SGMS1: variants seen among roughly 807,000 people sequenced by gnomAD.
SGMS1 encodes the protein sphingomyelin synthase 1, also known as phosphatidylcholine:ceramide cholinephosphotransferase 1.
In SGMS1, 13 loss-of-function variants were observed where a neutral mutation model predicts 46.2. The observed-to-expected ratio is 0.28, with a 90% CI of 0.18 to 0.45. The LOEUF is 0.45. Among genes scored for constraint, SGMS1 ranks in the 20% least tolerant of loss-of-function variants. The pLI is 1.00. For missense variants in SGMS1, 324 were observed against 519.9 expected (o/e 0.62, Z 3.66); for synonymous variants, 203 against 187.8 (o/e 1.08, Z -0.66).
chr10:50,408,071 T>G (rs1165490825), intron 6 of SGMS1, among the ~76,000 whole-genome samples: 1 of 152,230 alleles, frequency 6.6e-6, no homozygotes, highest in Non-Finnish European at 1.5e-5. Flanking sequence ...TAACCACATA[T>G]GTAGCTATTG....
intron 6 of SGMS1, among the ~76,000 whole-genome samples, chr10:50,350,439 T>C (rs1249855238): frequency 6.6e-6 from 1 of 152,134 alleles, no homozygotes; most frequent in East Asian, 1.9e-4. Context: ...TTTTCATAAG[T>C]AGTAAGGAGC....
intron 2 of SGMS1, among the ~76,000 whole-genome samples, chr10:50,554,980 C>T (rs1442048982): frequency 1.3e-5 from 2 of 152,186 alleles, no homozygotes; most frequent in Non-Finnish European, 1.5e-5. Context: ...CCAACTCTTT[C>T]CATTTAACAG....
At chr10:50,356,080 A>G (rs944417936) in intron 6 of SGMS1, among the ~76,000 whole-genome samples, 2 of 152,186 alleles carry the variant, frequency 1.3e-5, no homozygotes, top group African/African-American at 4.8e-5. Context: ...CTCATTGAGA[A>G]CGGGCCATGA....
Position 50,523,882 on chromosome 10 carries a change from G to A in SGMS1, c.-588-3961C>T, listed in dbSNP as rs1207747157. On this transcript the variant is annotated intron_variant, in intron 2 of 10. Coordinates refer to ENST00000361781, the MANE Select transcript of SGMS1 (RefSeq NM_147156.4). ...TTTCCCTGCACAAGCCAGTAGATTT[G>A]TGCTCAAGGCACACGTGTGCACATG... 5.3e-5 allele frequency among the ~76,000 whole-genome samples: 8 copies of A among 152,364 alleles called. No homozygotes were observed. In the East Asian group the frequency reaches 1.5e-3, roughly 29 times the overall value.
chr10:50,314,915 T>C (rs931658748), intron 8 of SGMS1, among the ~76,000 whole-genome samples: 1 of 152,178 alleles, frequency 6.6e-6, no homozygotes, highest in African/African-American at 2.4e-5. Context: ...AGTGAGACCC[T>C]GTCTCTAAAA....
At chr10:50,387,114 C>A (rs745315751) in intron 6 of SGMS1, among the ~76,000 whole-genome samples, 4 of 152,168 alleles carry the variant, frequency 2.6e-5, no homozygotes. Context: ...GCACCTCCAA[C>A]TGGGGATACC....
At chr10:50,469,686 G>C (rs1837361697) in intron 3 of SGMS1, among the ~76,000 whole-genome samples, 1 of 152,142 alleles carries the variant, frequency 6.6e-6, no homozygotes, top group South Asian at 2.1e-4. Context: ...GGTGGGGGGA[G>C]TGTGGTACAG....
Position 50,517,963 on chromosome 10 carries a change from C to T in SGMS1, c.-498+1868G>A, listed in dbSNP as rs750199381. Among the ~76,000 whole-genome samples the T allele has an allele frequency of 5.4e-4, 82 of 151,950 alleles. 2 individuals are homozygous for T. Among genetic ancestry groups the T allele is most frequent in the Non-Finnish European group, 1.8e-4 (12 of 67,984 alleles). ...AAACCAAAATTGAGAGAAGTTACCA[C>T]CAAAAGATTCTCAGGAAAAGAAAAA... On this transcript the variant is annotated intron_variant, in intron 3 of 10. Transcript: ENST00000361781.
At chr10:50,573,913 C>T (rs1838357592) in intron 2 of SGMS1, among the ~76,000 whole-genome samples, 1 of 152,056 alleles carries the variant, frequency 6.6e-6, no homozygotes, top group South Asian at 2.1e-4. Context: ...GCCAAGAACA[C>T]ACAATGGGGC....
intron 1 of SGMS1, among the ~76,000 whole-genome samples, chr10:50,621,068 C>A (rs1838845384): frequency 6.6e-6 from 1 of 151,952 alleles, no homozygotes; most frequent in Admixed American, 6.6e-5. Context: ...CCCAGCTACT[C>A]GGGAGGCTGA....
intron 3 of SGMS1, among the ~76,000 whole-genome samples, chr10:50,512,936 T>G (rs1487795018): frequency 6.6e-6 from 1 of 152,144 alleles, no homozygotes; most frequent in Non-Finnish European, 1.5e-5. Flanking sequence ...CTACAAGTCT[T>G]GAAGACAGCT....
intron 1 of SGMS1, among the ~76,000 whole-genome samples, chr10:50,622,832 C>T (rs1330590909): frequency 6.6e-6 from 1 of 152,264 alleles, no homozygotes; most frequent in African/African-American, 2.4e-5. Flanking sequence ...GCACTCTATC[C>T]GGCCCACGGG....
intron 5 of SGMS1, chr10:50,459,800 C>T (rs1204996712): frequency 6.6e-6 from 1 of 152,234 alleles, no homozygotes; most frequent in Non-Finnish European, 1.5e-5. Context: ...AGTGCTGAAT[C>T]CCATTCCTGC....
At chr10:50,498,334 ATAATT>A (rs1214910010) in intron 3 of SGMS1, among the ~76,000 whole-genome samples, 2 of 152,240 alleles carry the variant, frequency 1.3e-5, no homozygotes, top group Non-Finnish European at 2.9e-5. Context: ...TATACATAAC[ATAATT>A]TATCACCTTA....
chr10:50,525,319 C>T (rs1042809891), intron 2 of SGMS1, among the ~76,000 whole-genome samples: 7 of 152,228 alleles, frequency 4.6e-5, no homozygotes, highest in Middle Eastern at 3.4e-3. Context: ...CCAATATGCC[C>T]GTTTCTGGCT....
At chr10:50,582,860 A>T (rs1227277058) in intron 2 of SGMS1, among the ~76,000 whole-genome samples, 1 of 152,194 alleles carries the variant, frequency 6.6e-6, no homozygotes, top group Non-Finnish European at 1.5e-5. Context: ...CATAACACAG[A>T]GGCAAGTGTG....
intron 6 of SGMS1, among the ~76,000 whole-genome samples, chr10:50,406,390 G>A (rs776390180): frequency 3.3e-5 from 5 of 152,106 alleles, no homozygotes; most frequent in African/African-American, 4.8e-5. Flanking sequence ...GTAGATATCC[G>A]CCCATGAATA....
At chr10:50,463,168 A>C (rs1837288551) in intron 4 of SGMS1, among the ~76,000 whole-genome samples, 1 of 152,204 alleles carries the variant, frequency 6.6e-6, no homozygotes, top group African/African-American at 2.4e-5. Context: ...GGTAAAAAGG[A>C]AACACAAAAT....
At chr10:50,510,975 T>A (rs1837748854) in intron 3 of SGMS1, among the ~76,000 whole-genome samples, 1 of 152,206 alleles carries the variant, frequency 6.6e-6, no homozygotes, top group African/African-American at 2.4e-5. Flanking sequence ...ATAAACATCA[T>A]CTGCTGGAAG....
Sources: allele counts gnomAD v4.1 joint callset (sites outside exome capture counted in the v4.1 genomes callset), GRCh38; gene constraint gnomAD v4.1.1; transcripts MANE v1.5; gene names NCBI Gene and HGNC (gene_info 2026-07-23, HGNC 2026-07-21).